Variants in CDYL2 observed in about 807,000 individuals in gnomAD.
CDYL2 encodes chromodomain Y-like protein 2.
Under a neutral mutation model 49.4 loss-of-function variants are expected in CDYL2, and 23 were observed. The observed-to-expected ratio is 0.47, with a 90% CI of 0.34 to 0.66. The LOEUF (loss-of-function observed/expected upper bound fraction) is 0.66, where lower values mean the gene tolerates loss of function less well. Among genes scored for constraint, CDYL2 ranks in the 30% least tolerant of loss-of-function variants. The pLI, the probability that CDYL2 is intolerant of heterozygous loss-of-function variation, is 0.01. For synonymous variants in CDYL2, 360 were observed against 268.8 expected, an observed-to-expected ratio of 1.34 and a Z score of -3.32; for missense variants, 678 against 656.4, an observed-to-expected ratio of 1.03 and a Z score of -0.36.
chr16:80,736,481 T>C (rs564674785), intron 1 of CDYL2: 9 of 152,272 alleles, frequency 5.9e-5, no homozygotes, highest in African/African-American at 2.2e-4. Context: ...CCCCAGTCTC[T>C]TGAATATGAG....
chr16:80,652,963 CT>C (rs1463843867), intron 2 of CDYL2, among the ~76,000 whole-genome samples: 1 of 152,158 alleles, frequency 6.6e-6, no homozygotes. Flanking sequence ...TGAATATTCC[CT>C]GAATGGGACT....
At chr16:80,694,682 C>T (rs1421498907) in intron 1 of CDYL2, among the ~76,000 whole-genome samples, 1 of 151,876 alleles carries the variant, frequency 6.6e-6, no homozygotes, top group Non-Finnish European at 1.5e-5. Flanking sequence ...CTGAGAAGAC[C>T]AAGAAGCAGT....
intron 1 of CDYL2, among the ~76,000 whole-genome samples, chr16:80,728,188 A>G (rs1484177609): frequency 1.3e-5 from 2 of 152,124 alleles, no homozygotes; most frequent in Non-Finnish European, 2.9e-5. Context: ...CAAAGAAGTT[A>G]AAAACTTTGA....
chr16:80,723,871 G>C (rs964656351), intron 1 of CDYL2, among the ~76,000 whole-genome samples: 1 of 151,102 alleles, frequency 6.6e-6, no homozygotes, highest in African/African-American at 2.4e-5. Flanking sequence ...AGAAAGAGGA[G>C]GAAGAGGAAG....
At chr16:80,769,972 C>T (rs899845001) in intron 1 of CDYL2, among the ~76,000 whole-genome samples, 1 of 152,050 alleles carries the variant, frequency 6.6e-6, no homozygotes, top group Non-Finnish European at 1.5e-5. Context: ...TTTTTCTGCT[C>T]ATTTATATTA....
At chr16:80,665,909 C>T (rs1385905611) in intron 2 of CDYL2, among the ~76,000 whole-genome samples, 6 of 152,272 alleles carry the variant, frequency 3.9e-5, no homozygotes, top group Middle Eastern at 3.4e-3. Flanking sequence ...CTCTTGATTT[C>T]GCCTTGCTGG....
At chr16:80,652,975 C>T (rs958239785) in intron 2 of CDYL2, among the ~76,000 whole-genome samples, 2 of 152,186 alleles carry the variant, frequency 1.3e-5, no homozygotes, top group African/African-American at 4.8e-5. Flanking sequence ...GAATGGGACT[C>T]TGGAACAGAC....
At chr16:80,799,700 T>C (rs937003757) in intron 1 of CDYL2, among the ~76,000 whole-genome samples, 3 of 152,206 alleles carry the variant, frequency 2.0e-5, no homozygotes, top group African/African-American at 2.4e-5. Flanking sequence ...AATTATCTCA[T>C]GCACTAAGGA....
At chr16:80,790,899 G>C (rs754922797) in intron 1 of CDYL2, among the ~76,000 whole-genome samples, 5 of 152,206 alleles carry the variant, frequency 3.3e-5, no homozygotes, top group Non-Finnish European at 5.9e-5. Context: ...CTCCAGAACA[G>C]TCCGGGAAGA....
intron 1 of CDYL2, among the ~76,000 whole-genome samples, chr16:80,752,275 A>G (rs1384749965): frequency 2.0e-5 from 3 of 152,172 alleles, no homozygotes; most frequent in South Asian, 2.1e-4. Flanking sequence ...GAAAAAGAAC[A>G]TAAGAGGCAT....
Position 80,604,222 on chromosome 16 carries a change from C to T in CDYL2, c.*166G>A. The T allele has an allele frequency of 1.3e-6, 1 of 741,604 alleles. No homozygotes were observed. Among genetic ancestry groups the T allele is most frequent in the Non-Finnish European group, 2.2e-6 (1 of 457,036 alleles). The allele number at this position is 741,604 out of a possible 1,614,324, so 45.9% of individuals were successfully genotyped here. A position where few individuals can be genotyped will look rare whatever the true frequency, so the allele number is the denominator to read the frequency against. On this transcript the variant is annotated 3_prime_UTR_variant, in exon 7 of 7. Transcript: ENST00000570137. ...AGTATGCTGCGTTTTCCATCCATTACACAAAATCAAACCAAGGAGGAGCAA... is the reference window on the plus strand; with the variant it reads ...AGTATGCTGCGTTTTCCATCCATTATACAAAATCAAACCAAGGAGGAGCAA...
chr16:80,711,569 G>C (rs1428496255), intron 1 of CDYL2, among the ~76,000 whole-genome samples: 1 of 152,204 alleles, frequency 6.6e-6, no homozygotes, highest in Non-Finnish European at 1.5e-5. Context: ...TTTGGATCCT[G>C]ACAGCTCTGA....
At chr16:80,703,795 C>T (rs1904321150) in intron 1 of CDYL2, among the ~76,000 whole-genome samples, 1 of 152,138 alleles carries the variant, frequency 6.6e-6, no homozygotes, top group African/African-American at 2.4e-5. Context: ...CCCTCTTGAC[C>T]TCTGATTCCA....
chr16:80,769,058 G>A (rs1906820580), intron 1 of CDYL2, among the ~76,000 whole-genome samples: 1 of 152,068 alleles, frequency 6.6e-6, no homozygotes, highest in South Asian at 2.1e-4. Flanking sequence ...GGAATAGAAT[G>A]GCCTTCATCA....
At chr16:80,708,761 G>C (rs1304651795) in intron 1 of CDYL2, among the ~76,000 whole-genome samples, 2 of 150,614 alleles carry the variant, frequency 1.3e-5, no homozygotes, top group African/African-American at 4.9e-5. Context: ...GTTTTTTTTT[G>C]TACTTATATG....
chr16:80,779,573 C>G (rs1184678075), intron 1 of CDYL2, among the ~76,000 whole-genome samples: 1 of 151,532 alleles, frequency 6.6e-6, no homozygotes, highest in Non-Finnish European at 1.5e-5. Flanking sequence ...AAGCTTATAC[C>G]CCTGTTTAAA....
At chr16:80,630,567 A>T (rs1907515097) in intron 3 of CDYL2, among the ~76,000 whole-genome samples, 1 of 152,140 alleles carries the variant, frequency 6.6e-6, no homozygotes, top group African/African-American at 2.4e-5. Flanking sequence ...TTCGGGGTGG[A>T]CTGCAGGCTC....
In CDYL2 at chr16:80,759,102, CTATATATATATATATA is replaced by C. The variant is rs59240300; in HGVS notation, c.24+45032_24+45047del. The stretch of plus-strand genomic sequence containing the variant: ...AAATGTAATATCTACAAACCATATA[CTATATATATATATATA>C]TATATATATATATATATATATGGTT... On this transcript the variant is annotated intron_variant, in intron 1 of 6. Coordinates refer to ENST00000570137, the MANE Select transcript of CDYL2 (RefSeq NM_152342.4). 6.9e-4 allele frequency among the ~76,000 whole-genome samples: 44 copies of C among 63,368 alleles called. 1 individual carries two copies. The highest frequency in any genetic ancestry group is 2.5e-3 in the East Asian group (4 of 1,622). The allele number at this position is 63,368 out of a possible 152,430, so 41.6% of individuals were successfully genotyped here.
intron 1 of CDYL2, among the ~76,000 whole-genome samples, chr16:80,732,174 G>T (rs908841930): frequency 6.6e-6 from 1 of 152,134 alleles, no homozygotes; most frequent in Non-Finnish European, 1.5e-5. Context: ...TGAATAATGA[G>T]AACATGAAGT....
Sources: allele counts gnomAD v4.1 joint callset (sites outside exome capture counted in the v4.1 genomes callset), GRCh38; gene constraint gnomAD v4.1.1; transcripts MANE v1.5; gene names NCBI Gene and HGNC (gene_info 2026-07-23, HGNC 2026-07-21).